Variants in YEATS4 observed in about 807,000 individuals in gnomAD.
YEATS4 encodes YEATS domain-containing protein 4.
A neutral mutation model predicts 30.1 loss-of-function variants in YEATS4; 17 were observed. That is an observed-to-expected ratio of 0.56 (90% CI 0.39 to 0.85). The LOEUF (loss-of-function observed/expected upper bound fraction) is 0.85. YEATS4 is among the 40% of genes least tolerant of loss of function. The probability of loss-of-function intolerance (pLI) is 0.00; values close to 1 mark genes in which losing one functional copy is unlikely to be tolerated. For missense variants in YEATS4, 142 were observed against 268.3 expected, an observed-to-expected ratio of 0.53 and a Z score of 3.29; for synonymous variants, 85 against 87.5, an observed-to-expected ratio of 0.97 and a Z score of 0.16.
chr12:69,425,026 T>C, the YEATS4 span, among the ~76,000 whole-genome samples: 35 of 152,064 alleles, frequency 2.3e-4, no homozygotes, highest in Non-Finnish European at 4.1e-4. Context: ...TTCAAGCAAT[T>C]CTCCTGCCTC....
chr12:69,413,741 A>G, the YEATS4 span, among the ~76,000 whole-genome samples: 3 of 151,968 alleles, frequency 2.0e-5, no homozygotes, highest in African/African-American at 7.3e-5. Context: ...GGTCCCAGCT[A>G]CTTGGGAGGC....
chr12:69,388,926 C>T (rs1868283266), intron 6 of YEATS4, among the ~76,000 whole-genome samples: 1 of 152,174 alleles, frequency 6.6e-6, no homozygotes, highest in Admixed American at 6.5e-5. Context: ...CACACCACTG[C>T]ACTCCAGCCT....
intron 6 of YEATS4, among the ~76,000 whole-genome samples, chr12:69,378,346 G>C (rs552666477): frequency 2.6e-5 from 4 of 152,092 alleles, no homozygotes; most frequent in African/African-American, 9.6e-5. Flanking sequence ...GGAGACTTTA[G>C]TCCATTTACA....
At chr12:69,399,394 A>T in the YEATS4 span, among the ~76,000 whole-genome samples, 3 of 152,238 alleles carry the variant, frequency 2.0e-5, no homozygotes, top group Admixed American at 6.5e-5. Context: ...GCCAATAAGC[A>T]TATAAAAAGA....
At chr12:69,413,369 A>C in the YEATS4 span, among the ~76,000 whole-genome samples, 11 of 151,928 alleles carry the variant, frequency 7.2e-5, no homozygotes, top group Non-Finnish European at 2.9e-5. Flanking sequence ...AAAAAAAAAA[A>C]AAAAACTACT....
At chr12:69,418,841 T>TG in the YEATS4 span, among the ~76,000 whole-genome samples, 1 of 151,964 alleles carries the variant, frequency 6.6e-6, no homozygotes, top group Non-Finnish European at 1.5e-5. Context: ...CCTAATTTCT[T>TG]GGGGGGCTAA....
At chr12:69,411,621 T>A in the YEATS4 span, among the ~76,000 whole-genome samples, 11 of 151,858 alleles carry the variant, frequency 7.2e-5, no homozygotes, top group East Asian at 2.1e-3. Context: ...GGGAAGAGAA[T>A]TGGGAGTACT....
chr12:69,381,122 A>G (rs182964895), intron 6 of YEATS4, among the ~76,000 whole-genome samples: 433 of 152,290 alleles, frequency 2.8e-3, no homozygotes, highest in Non-Finnish European at 4.4e-3. Flanking sequence ...GGAATTTCCT[A>G]GTCCTAATAA....
At chr12:69,364,538 TTTAAAA>T (rs1255128581) in intron 2 of YEATS4, among the ~76,000 whole-genome samples, 2 of 152,200 alleles carry the variant, frequency 1.3e-5, no homozygotes, top group African/African-American at 4.8e-5. Flanking sequence ...CTTCTGTACT[TTTAAAA>T]TAAAGAAAAT....
intron 6 of YEATS4, among the ~76,000 whole-genome samples, chr12:69,385,373 A>G (rs77539690): frequency 0.016 from 2,434 of 152,260 alleles, 72 homozygotes; most frequent in African/African-American, 0.056. Flanking sequence ...ATATTAATCA[A>G]AGGTCTAAAA....
At chr12:69,424,041 TC>T in the YEATS4 span, among the ~76,000 whole-genome samples, 1 of 152,162 alleles carries the variant, frequency 6.6e-6, no homozygotes, top group African/African-American at 2.4e-5. Flanking sequence ...GCTGCAGCGA[TC>T]ATTTTGGAAT....
At chr12:69,389,742 A>T (rs1868294746) in intron 6 of YEATS4, among the ~76,000 whole-genome samples, 1 of 151,950 alleles carries the variant, frequency 6.6e-6, no homozygotes, top group African/African-American at 2.4e-5. Flanking sequence ...CGAACTCCTG[A>T]CCTCAAGTGA....
the YEATS4 span, among the ~76,000 whole-genome samples, chr12:69,396,441 T>G: frequency 6.6e-6 from 1 of 152,170 alleles, no homozygotes; most frequent in Non-Finnish European, 1.5e-5. Flanking sequence ...GAGGAGAGTG[T>G]GCAAACTGGA....
intron 6 of YEATS4, among the ~76,000 whole-genome samples, chr12:69,382,848 T>A: frequency 6.6e-6 from 1 of 152,112 alleles, no homozygotes; most frequent in East Asian, 1.9e-4. Flanking sequence ...TAATGAGGTA[T>A]TGGAGAAAGA....
At chr12:69,379,059 A>T (rs1430464627) in intron 6 of YEATS4, among the ~76,000 whole-genome samples, 2 of 152,182 alleles carry the variant, frequency 1.3e-5, no homozygotes, top group Non-Finnish European at 2.9e-5. Context: ...TTCCTTCAGC[A>T]CTTTAAATGT....
At chr12:69,381,843 C>T (rs1046695459) in intron 6 of YEATS4, among the ~76,000 whole-genome samples, 1 of 152,114 alleles carries the variant, frequency 6.6e-6, no homozygotes, top group African/African-American at 2.4e-5. Flanking sequence ...GATTTTTACC[C>T]AGGATTCTTT....
intron 6 of YEATS4, among the ~76,000 whole-genome samples, chr12:69,383,875 A>G (rs1876172672): frequency 6.6e-6 from 1 of 152,226 alleles, no homozygotes; most frequent in Non-Finnish European, 1.5e-5. Flanking sequence ...TACGGGGTCA[A>G]GAGGGTATTG....
chr12:69,385,387 A>G (rs899864832), intron 6 of YEATS4, among the ~76,000 whole-genome samples: 1 of 152,216 alleles, frequency 6.6e-6, no homozygotes, highest in Non-Finnish European at 1.5e-5. Context: ...TCTAAAAAAT[A>G]TGTATAGTTT....
chr12:69,413,784 A>G, the YEATS4 span, among the ~76,000 whole-genome samples: 62,607 of 150,918 alleles, frequency 0.41, 14,114 homozygotes, highest in East Asian at 0.62. Flanking sequence ...CCCAGGAAGC[A>G]GAGGTTGCAG....
Sources: allele counts gnomAD v4.1 joint callset (sites outside exome capture counted in the v4.1 genomes callset), GRCh38; gene constraint gnomAD v4.1.1; transcripts MANE v1.5; gene names NCBI Gene and HGNC (gene_info 2026-07-23, HGNC 2026-07-21).